The following OSBPL1A variants were observed in gnomAD, a reference collection of about 807,000 sequenced individuals.
OSBPL1A encodes the protein oxysterol-binding protein-related protein 1.
Under a neutral mutation model 137.1 loss-of-function variants are expected in OSBPL1A, and 80 were observed. The ratio of observed to expected loss-of-function variants is 0.58; its 90% CI spans 0.49 to 0.70. The LOEUF (loss-of-function observed/expected upper bound fraction) is 0.70, where lower values mean the gene tolerates loss of function less well. Among genes scored for constraint, OSBPL1A ranks in the 30% least tolerant of loss-of-function variants. The pLI is 0.00. For synonymous variants in OSBPL1A, 365 were observed against 389.7 expected (o/e 0.94, Z 0.75); for missense variants, 970 against 1,129.4 (o/e 0.86, Z 2.02).
At chr18:24,267,953 T>C (rs1052887036) in intron 15 of OSBPL1A, among the ~76,000 whole-genome samples, 13 of 151,374 alleles carry the variant, frequency 8.6e-5, no homozygotes, top group Admixed American at 2.6e-4. Context: ...CAAAAAGAAA[T>C]GAAATGTGTA....
intron 17 of OSBPL1A, among the ~76,000 whole-genome samples, chr18:24,206,120 A>T (rs1367595261): frequency 6.6e-6 from 1 of 152,108 alleles, no homozygotes; most frequent in Non-Finnish European, 1.5e-5. Context: ...CGAACTCCTG[A>T]CCTCAGATTG....
chr18:24,250,155 TTTG>T lies in OSBPL1A; in HGVS notation c.1282-10776_1282-10774del, dbSNP rs1465960906. ...AGCTCCCAGAAGGCGTTTGTGTGTTTTTGTTTGTTTGTTTGTTTGTTTGTTTGT... is the reference window on the plus strand; with the variant it reads ...AGCTCCCAGAAGGCGTTTGTGTGTTTTTTGTTTGTTTGTTTGTTTGTTTGT... On this transcript the variant is annotated intron_variant, in intron 15 of 27. Transcript: ENST00000319481. 9.2e-5 allele frequency among the ~76,000 whole-genome samples: 4 copies of T among 43,514 alleles called. 1 individual carries two copies. In the East Asian group the frequency reaches 4.7e-3, roughly 51 times the overall value. 28.5% of individuals were successfully genotyped at this position (43,514 alleles called of 152,430 possible).
chr18:24,171,856 G>T (rs1435499526), intron 22 of OSBPL1A, among the ~76,000 whole-genome samples: 6 of 152,108 alleles, frequency 3.9e-5, no homozygotes, highest in Admixed American at 2.0e-4. Flanking sequence ...GGTTCACCCA[G>T]TCTTCCTTAA....
In OSBPL1A at chr18:24,395,450, ATC is replaced by A. The variant is rs569528599; in HGVS notation, c.-3+2203_-3+2204del. ...ATATTATGATCAGATATACAGATGT[ATC>A]TCTGAGTAAAATAAAGCCACAAGGA... On this transcript the variant is annotated intron_variant, in intron 1 of 27. Coordinates refer to ENST00000319481, the MANE Select transcript of OSBPL1A (RefSeq NM_080597.4). 1.7e-3 allele frequency among the ~76,000 whole-genome samples: 263 copies of A among 152,254 alleles called. 1 individual carries two copies. Among genetic ancestry groups the A allele is most frequent in the Non-Finnish European group, 3.0e-3 (204 of 68,016 alleles).
In OSBPL1A at chr18:24,369,961, C is replaced by T. The variant is rs991794591; in HGVS notation, c.122-1589G>A. 3.3e-5 allele frequency among the ~76,000 whole-genome samples: 5 copies of T among 152,210 alleles called. No homozygotes were observed. The East Asian group carries it at 9.6e-4, about 29-fold the overall frequency. The stretch of plus-strand genomic sequence containing the variant: ...TGCTGGCCGAGCATGGTGGCTCATG[C>T]CTGTAATGCCAGCATTTTAGGAGGC... On this transcript the variant is annotated intron_variant, in intron 2 of 27. Coordinates refer to ENST00000319481, the MANE Select transcript of OSBPL1A (RefSeq NM_080597.4).
At chr18:24,377,675 A>T in intron 1 of OSBPL1A, 140 bp from the exon 2 acceptor site, 1 of 883,558 alleles carries the variant, frequency 1.1e-6, no homozygotes, top group Non-Finnish European at 1.7e-6. Flanking sequence ...AATCCGTTGC[A>T]GGGTGAGAAC....
At chr18:24,313,178 C>A (rs1259256561) in intron 12 of OSBPL1A, among the ~76,000 whole-genome samples, 2 of 151,908 alleles carry the variant, frequency 1.3e-5, no homozygotes, top group African/African-American at 4.8e-5. Flanking sequence ...CGCGGTGGCT[C>A]ATGCCTGTAA....
chr18:24,279,752 A>G (rs932861682), intron 15 of OSBPL1A, among the ~76,000 whole-genome samples: 3 of 152,196 alleles, frequency 2.0e-5, no homozygotes, highest in Non-Finnish European at 4.4e-5. Flanking sequence ...TCTGGCAACC[A>G]AAACACATCT....
At chr18:24,377,183 G>C (rs577020388) in intron 2 of OSBPL1A, among the ~76,000 whole-genome samples, 18 of 152,222 alleles carry the variant, frequency 1.2e-4, no homozygotes, top group Non-Finnish European at 1.8e-4. Context: ...AGCCACCCTT[G>C]TGGCTTGTAA....
At chr18:24,330,168 C>T (rs2091050248) in intron 7 of OSBPL1A, among the ~76,000 whole-genome samples, 1 of 152,060 alleles carries the variant, frequency 6.6e-6, no homozygotes, top group Non-Finnish European at 1.5e-5. Context: ...TCCTAATCAC[C>T]TCTCACCCAA....
chr18:24,271,745 G>A lies in OSBPL1A; in HGVS notation c.1281+9097C>T. 1 of 985,610 alleles carries A rather than the reference G, an allele frequency of 1.0e-6. No homozygotes were observed. The highest frequency in any genetic ancestry group is 1.2e-6 in the Non-Finnish European group (1 of 830,126). 61.1% of individuals were successfully genotyped at this position (985,610 alleles called of 1,614,324 possible). On this transcript the variant is annotated intron_variant, in intron 15 of 27. Transcript: ENST00000319481. The surrounding 1 kb of genome is among the most constrained non-coding windows in gnomAD (Gnocchi z 4.0). ...AGTCGAGCCGAGGCGAGCCGATCCG[G>A]GAGGCGCGACCCAGGGCGGCCCGCA...
intron 18 of OSBPL1A, among the ~76,000 whole-genome samples, chr18:24,186,764 C>T (rs888044774): frequency 1.3e-5 from 2 of 151,818 alleles, no homozygotes; most frequent in Non-Finnish European, 2.9e-5. Flanking sequence ...ATTAGCTGGG[C>T]ATGGTGGTGT....
Position 24,271,914 on chromosome 18 carries a change from C to A in OSBPL1A, c.1281+8928G>T, listed in dbSNP as rs2089731023. On this transcript the variant is annotated intron_variant, in intron 15 of 27. Coordinates refer to ENST00000319481, the MANE Select transcript of OSBPL1A (RefSeq NM_080597.4). The surrounding 1 kb of genome is among the most constrained non-coding windows in gnomAD (Gnocchi z 4.0). ...CCGCGCCCGCCCGGGCCGCAGAGGT[C>A]TGCGCTGCCCCTCCGCCGCCGCTGG... 1 of 984,022 alleles carries A rather than the reference C, an allele frequency of 1.0e-6. No homozygotes were observed. The highest frequency in any genetic ancestry group is 1.8e-5 in the African/African-American group (1 of 57,086). The allele number at this position is 984,022 out of a possible 1,614,324, so 61.0% of individuals were successfully genotyped here. A position where few individuals can be genotyped will look rare whatever the true frequency, so the allele number is the denominator to read the frequency against.
At chr18:24,351,447 A>C (rs1056605806) in intron 4 of OSBPL1A, among the ~76,000 whole-genome samples, 4 of 152,044 alleles carry the variant, frequency 2.6e-5, no homozygotes, top group Non-Finnish European at 5.9e-5. Context: ...AGACAGTAAA[A>C]AGACCTTTGG....
rs2088992915 is a variant in OSBPL1A at position 24,249,124 on chromosome 18, T to A, written c.1282-9742A>T. On this transcript the variant is annotated intron_variant, in intron 15 of 27. Transcript: ENST00000319481. Reference sequence around the variant, plus strand: ...TTGCTCTTCAACTGCAAAGTTGAACTACTTAATGCTGGTTATAACTCTCAT... The same window carrying A: ...TTGCTCTTCAACTGCAAAGTTGAACAACTTAATGCTGGTTATAACTCTCAT... Among the ~76,000 whole-genome samples the A allele has an allele frequency of 1.3e-5, 2 of 152,256 alleles. 1 individual carries two copies. Among genetic ancestry groups the A allele is most frequent in the South Asian group, 4.1e-4 (2 of 4,836 alleles).
At chr18:24,345,924 G>C (rs903060573) in intron 4 of OSBPL1A, among the ~76,000 whole-genome samples, 5 of 152,116 alleles carry the variant, frequency 3.3e-5, no homozygotes, top group African/African-American at 2.4e-5. Flanking sequence ...CCTGCCCCTA[G>C]AGCAATGCTA....
At chr18:24,197,402 A>C (rs2087066331) in intron 17 of OSBPL1A, among the ~76,000 whole-genome samples, 1 of 152,244 alleles carries the variant, frequency 6.6e-6, no homozygotes, top group African/African-American at 2.4e-5. Context: ...TCTGAAATAC[A>C]TCCATGTAGC....
At chr18:24,331,397 C>CT (rs1211637974) in intron 7 of OSBPL1A, among the ~76,000 whole-genome samples, 2,036 of 140,442 alleles carry the variant, frequency 0.014, 41 homozygotes, top group African/African-American at 0.036. Context: ...GCATGTTCCT[C>CT]TTTTTTTTTT....
At chr18:24,328,036 C>CTTTTTTTTTTT (rs10563779) in intron 7 of OSBPL1A, among the ~76,000 whole-genome samples, 1 of 95,630 alleles carries the variant, frequency 1.0e-5, no homozygotes, top group East Asian at 2.6e-4. Flanking sequence ...AGAAATCACA[C>CTTTTTTTTTTT]TTTTTTTTTT....
Sources: allele counts gnomAD v4.1 joint callset (sites outside exome capture counted in the v4.1 genomes callset), GRCh38; gene constraint gnomAD v4.1.1; non-coding constraint Gnocchi (gnomAD v3.1); transcripts MANE v1.5; gene names NCBI Gene and HGNC (gene_info 2026-07-23, HGNC 2026-07-21).